CLBA1: variants seen among roughly 807,000 people sequenced by gnomAD.
CLBA1 encodes uncharacterized protein CLBA1.
A neutral mutation model predicts 28.8 loss-of-function variants in CLBA1; 30 were observed. The observed-to-expected ratio is 1.04, with a 90% CI of 0.78 to 1.41. The LOEUF (loss-of-function observed/expected upper bound fraction) is 1.41, where lower values mean the gene tolerates loss of function less well. Ranked by LOEUF, CLBA1 falls within the 40% of genes most tolerant of loss-of-function variation. CLBA1 has a pLI of 0.00. For synonymous variants in CLBA1, 160 were observed against 152.8 expected (o/e 1.05, Z -0.35); for missense variants, 451 against 412.3 (o/e 1.09, Z -0.81).
intron 4 of CLBA1, 51 bp from the exon 5 acceptor site, chr14:104,994,547 G>A (rs565733050): frequency 1.5e-5 from 24 of 1,559,292 alleles, no homozygotes; most frequent in East Asian, 4.5e-5. Context: ...CCAAGCTAGC[G>A]CTTCTCATTG....
At chr14:104,986,914 A>G in intron 1 of CLBA1, 60 bp downstream of exon 1, 1 of 1,557,334 alleles carries the variant, frequency 6.4e-7, no homozygotes, top group Admixed American at 1.7e-5. Context: ...CAAGAGGCCT[A>G]CAGCCCTCGA....
At chr14:105,001,067 TAAA>T (rs71454491) in intron 2 of CLBA1, among the ~76,000 whole-genome samples, 65,307 of 125,930 alleles carry the variant, frequency 0.52, 17,809 homozygotes, top group Non-Finnish European at 0.65. Flanking sequence ...TATTCAGCTG[TAAA>T]AAAAAAAAAA....
At chr14:104,999,005 G>C (rs1900215579), downstream of CLBA1, among the ~76,000 whole-genome samples, 1 of 152,236 alleles carries the variant, frequency 6.6e-6, no homozygotes, top group African/African-American at 2.4e-5. Context: ...GAGTGGTGCA[G>C]AGCCAGCCGT....
In CLBA1 at chr14:104,986,859, TTC is replaced by T; in HGVS notation, c.423+7_423+8del. The T allele has an allele frequency of 1.2e-6, 2 of 1,612,254 alleles. No homozygotes were observed. On this transcript the variant is annotated splice_donor_region_variant and intron_variant, in intron 1 of 4. Coordinates refer to ENST00000547315, the MANE Select transcript of CLBA1 (RefSeq NM_174891.4). ...TCTGCCGTCCCACCTTCTGAGGTAT[TTC>T]TGCTGTGCTGTGGTCACCATGTTGA... is the stretch of plus-strand genomic sequence containing the variant.
At chr14:104,988,221 T>A (rs1899922385) in intron 1 of CLBA1, among the ~76,000 whole-genome samples, 2 of 152,266 alleles carry the variant, frequency 1.3e-5, no homozygotes, top group South Asian at 4.1e-4. Context: ...CACCTGGTGT[T>A]AGGACTTCAC....
At chr14:104,992,021 G>T (rs1247340103) in intron 3 of CLBA1, among the ~76,000 whole-genome samples, 1 of 112,458 alleles carries the variant, frequency 8.9e-6, no homozygotes, top group South Asian at 3.1e-4. Flanking sequence ...ACCACATGCC[G>T]CCATGCACAC....
Position 104,986,744 on chromosome 14 carries a change from A to G in CLBA1, c.313A>G (p.Thr105Ala). The G allele has an allele frequency of 6.2e-7, 1 of 1,613,974 alleles. No individual in the cohort carries two copies. Among genetic ancestry groups the G allele is most frequent in the Non-Finnish European group, 8.5e-7 (1 of 1,180,000 alleles). Residue 105 changes from threonine to alanine, a missense_variant, in exon 1 of 5, where the codon ACA becomes GCA. Thr to Ala is a moderately conservative substitution (Grantham distance 58, BLOSUM62 0). Coordinates refer to ENST00000547315, the MANE Select transcript of CLBA1 (RefSeq NM_174891.4). ...GTCCCTTGAACTCCTCGAGGGACCC[A>G]CAGAACCCCAGCCACCGAGAACCAC... ...SQSLELLEGP[T>A]EPQPPRTTSA...
chr14:104,998,865 C>T (rs1288295155), downstream of CLBA1, among the ~76,000 whole-genome samples: 1 of 152,276 alleles, frequency 6.6e-6, no homozygotes, highest in Non-Finnish European at 1.5e-5. Context: ...ACGGGGCATG[C>T]TGGGGCCCAT....
Position 104,995,356 on chromosome 14 carries a change from G to A in CLBA1, c.*597G>A, listed in dbSNP as rs971390895. ...TCAAGGACAGGCCTTTGTCCCTCAC[G>A]GTTGTGGACAGGAGGTCGCACCACT... On this transcript the variant is annotated 3_prime_UTR_variant, in exon 5 of 5. Transcript: ENST00000547315. 43 of 985,320 alleles carry A rather than the reference G, an allele frequency of 4.4e-5. No homozygotes were observed. Among genetic ancestry groups the A allele is most frequent in the African/African-American group, 7.0e-5 (4 of 57,218 alleles). 61.0% of individuals were successfully genotyped at this position (985,320 alleles called of 1,614,324 possible).
chr14:104,999,159 A>C, downstream of CLBA1: 2 of 955,202 alleles, frequency 2.1e-6, no homozygotes, highest in Non-Finnish European at 2.5e-6. Context: ...TTTGTCCTTC[A>C]TAAGTATTTC....
At chr14:104,996,551 C>G (rs1900159538), downstream of CLBA1, among the ~76,000 whole-genome samples, 1 of 152,210 alleles carries the variant, frequency 6.6e-6, no homozygotes, top group Non-Finnish European at 1.5e-5. Flanking sequence ...GGAGGCCCAG[C>G]AGGGGAGCTG....
At chr14:104,987,648 C>G (rs1459429726) in intron 1 of CLBA1, among the ~76,000 whole-genome samples, 1 of 117,320 alleles carries the variant, frequency 8.5e-6, no homozygotes, top group Non-Finnish European at 1.7e-5. Flanking sequence ...GAGACAGCCT[C>G]ACTCTGTCGC....
At chr14:104,993,190 G>T (rs973879900) in intron 4 of CLBA1, 126 bp downstream of exon 4, 1 of 1,512,550 alleles carries the variant, frequency 6.6e-7, no homozygotes, top group Admixed American at 2.3e-5. Flanking sequence ...TGGACTTCCA[G>T]AAAACAAACA....
intron 3 of CLBA1, among the ~76,000 whole-genome samples, chr14:104,992,063 G>A (rs539500154): frequency 3.3e-4 from 37 of 112,618 alleles, no homozygotes; most frequent in Non-Finnish European, 5.3e-4. Context: ...CGCACACGCC[G>A]CCACGCACAC....
At position 104,986,459 on chromosome 14, in the gene CLBA1, G is replaced by C; in HGVS notation, c.28G>C (p.Glu10Gln). The C allele has an allele frequency of 6.2e-7, 1 of 1,612,908 alleles. No homozygotes were observed. ...GCAAGGCCGGCGGGAGCTGGGGGGA[G>C]AGCCTTTGAGTGACCTCCAGGAGGA... MQGRRELGG[E>Q]PLSDLQEEAA... Residue 10 changes from glutamate (E) to glutamine (Q), a missense_variant, in exon 1 of 5, where the codon GAG becomes CAG. Glu to Gln is a conservative substitution (Grantham distance 29). Transcript: ENST00000547315.
chr14:105,000,003 G>A (rs894402213), downstream of CLBA1, among the ~76,000 whole-genome samples: 2 of 152,208 alleles, frequency 1.3e-5, no homozygotes, highest in African/African-American at 4.8e-5. Context: ...AAGTGAAGAC[G>A]TAAGAGCATG....
At chr14:104,992,840 G>A in intron 3 of CLBA1, 108 bp from the exon 4 acceptor site, 1 of 925,842 alleles carries the variant, frequency 1.1e-6, no homozygotes, top group Admixed American at 1.7e-5. Context: ...AGGGGCCTGA[G>A]AGAACTTTGC....
chr14:104,992,508 A>G (rs1219678334), intron 3 of CLBA1, among the ~76,000 whole-genome samples: 1 of 152,238 alleles, frequency 6.6e-6, no homozygotes, highest in Non-Finnish European at 1.5e-5. Flanking sequence ...CATGGGCCAC[A>G]TTGGGCTGGC....
chr14:104,991,940 CCACG>C (rs1468691526), intron 3 of CLBA1, among the ~76,000 whole-genome samples: 1 of 151,594 alleles, frequency 6.6e-6, no homozygotes, highest in African/African-American at 2.4e-5. Context: ...GCACATGCCA[CCACG>C]CACACGCCGC....
Sources: allele counts gnomAD v4.1 joint callset (sites outside exome capture counted in the v4.1 genomes callset), GRCh38; gene constraint gnomAD v4.1.1; transcripts MANE v1.5; gene names NCBI Gene and HGNC (gene_info 2026-07-23, HGNC 2026-07-21).